Variants in RGS6 observed in about 807,000 individuals in gnomAD.
RGS6 encodes regulator of G protein signaling 6.
Under a neutral mutation model 78.5 loss-of-function variants are expected in RGS6, and 30 were observed. The observed-to-expected ratio is 0.38, with a 90% CI of 0.29 to 0.52. The LOEUF is 0.52. RGS6 is among the 20% of genes least tolerant of loss of function. The pLI is 0.85. For missense variants in RGS6, 495 were observed against 609.7 expected, an observed-to-expected ratio of 0.81 and a Z score of 1.98; for synonymous variants, 206 against 206.0, an observed-to-expected ratio of 1.00 and a Z score of 0.00.
chr14:72,605,811 T>C, the RGS6 span, among the ~76,000 whole-genome samples: 1 of 152,224 alleles, frequency 6.6e-6, no homozygotes, highest in Admixed American at 6.5e-5. Context: ...CAGAGGGTCA[T>C]GGGACCGAGG....
At chr14:72,005,797 G>C (rs2084436749) in intron 2 of RGS6, among the ~76,000 whole-genome samples, 1 of 151,640 alleles carries the variant, frequency 6.6e-6, no homozygotes, top group Non-Finnish European at 1.5e-5. Context: ...ATTTTTGTAT[G>C]CTTTACCTAA....
chr14:72,062,526 G>A (rs1038911217), intron 2 of RGS6, among the ~76,000 whole-genome samples: 2 of 152,244 alleles, frequency 1.3e-5, no homozygotes, highest in African/African-American at 4.8e-5. Flanking sequence ...GATGGAGTTT[G>A]GACACAGTTG....
At chr14:72,555,721 C>CTGTT (rs1555472811) in intron 17 of RGS6, among the ~76,000 whole-genome samples, 2 of 152,256 alleles carry the variant, frequency 1.3e-5, no homozygotes, top group African/African-American at 4.8e-5. Context: ...CCGTTTGAGT[C>CTGTT]TGTTTCCTTG....
At chr14:72,226,992 G>C (rs116669432) in intron 2 of RGS6, among the ~76,000 whole-genome samples, 2,826 of 152,174 alleles carry the variant, frequency 0.019, 41 homozygotes, top group African/African-American at 0.037. Flanking sequence ...CATGCATGCT[G>C]TTGAGGACAC....
At chr14:72,232,572 C>T (rs1252723540) in intron 2 of RGS6, among the ~76,000 whole-genome samples, 1 of 152,158 alleles carries the variant, frequency 6.6e-6, no homozygotes, top group Non-Finnish European at 1.5e-5. Flanking sequence ...CCTTATGTCA[C>T]CTGGCATGGG....
At chr14:72,522,274 T>C (rs1370273334) in intron 15 of RGS6, among the ~76,000 whole-genome samples, 1 of 152,204 alleles carries the variant, frequency 6.6e-6, no homozygotes, top group Non-Finnish European at 1.5e-5. Context: ...AATCCCGTCA[T>C]AAGGGCCTCT....
At chr14:72,450,411 A>G (rs1047928267) in intron 3 of RGS6, among the ~76,000 whole-genome samples, 1 of 152,206 alleles carries the variant, frequency 6.6e-6, no homozygotes, top group Non-Finnish European at 1.5e-5. Flanking sequence ...ACTGCATATC[A>G]TAAATATATC....
intron 2 of RGS6, among the ~76,000 whole-genome samples, chr14:72,099,167 TTTG>T (rs1379319801): frequency 3.3e-5 from 5 of 152,098 alleles, no homozygotes; most frequent in Non-Finnish European, 7.4e-5. Flanking sequence ...CAGCAGTTTT[TTTG>T]TTGTTTTTTG....
intron 1 of RGS6, among the ~76,000 whole-genome samples, chr14:71,953,608 C>T (rs2092535749): frequency 6.6e-6 from 1 of 151,982 alleles, no homozygotes. Flanking sequence ...GTTAAATTGT[C>T]AAGGGCTGTT....
Position 72,448,296 on chromosome 14 carries a change from C to G in RGS6, c.185-6232C>G, listed in dbSNP as rs1243645612. Among the ~76,000 whole-genome samples the G allele has an allele frequency of 2.0e-5, 3 of 152,326 alleles. No homozygotes were observed. In the East Asian group the frequency reaches 5.8e-4, roughly 29 times the overall value. On this transcript the variant is annotated intron_variant, in intron 3 of 17. Transcript: ENST00000553525. ...GCAAGTGAGTGTGAAATTTGCCACG[C>G]TTTTCCTTGGAAAAACTCAAGCCCA...
the RGS6 span, among the ~76,000 whole-genome samples, chr14:72,599,408 T>G: frequency 4.2e-4 from 49 of 115,700 alleles, 1 homozygote; most frequent in East Asian, 4.9e-3. Flanking sequence ...TTTTTTTTTT[T>G]TTTTTTTTTT....
chr14:72,294,563 G>A (rs2064307151), intron 2 of RGS6, among the ~76,000 whole-genome samples: 2 of 152,300 alleles, frequency 1.3e-5, no homozygotes, highest in East Asian at 1.9e-4. Flanking sequence ...ATAAAGAAAC[G>A]AGGTTTAATT....
chr14:72,228,718 T>C (rs931347283), intron 2 of RGS6, among the ~76,000 whole-genome samples: 1 of 151,978 alleles, frequency 6.6e-6, no homozygotes, highest in Non-Finnish European at 1.5e-5. Flanking sequence ...AGAGGTAGCG[T>C]GGGGAGACTA....
At chr14:72,076,628 A>G (rs929429464) in intron 2 of RGS6, among the ~76,000 whole-genome samples, 2 of 152,108 alleles carry the variant, frequency 1.3e-5, no homozygotes, top group African/African-American at 4.8e-5. Flanking sequence ...TCCTGGGCTC[A>G]AGCAATCCTC....
intron 2 of RGS6, among the ~76,000 whole-genome samples, chr14:72,074,264 A>C (rs1229329972): frequency 1.3e-5 from 2 of 152,204 alleles, no homozygotes; most frequent in Admixed American, 1.3e-4. Flanking sequence ...TGGTGTGATC[A>C]TAGCGCACTG....
At chr14:72,304,776 A>G (rs573711760) in intron 2 of RGS6, among the ~76,000 whole-genome samples, 1 of 152,242 alleles carries the variant, frequency 6.6e-6, no homozygotes, top group East Asian at 1.9e-4. Flanking sequence ...GCTACTCGGG[A>G]GGTTGAGACA....
chr14:71,873,538 A>G, the RGS6 span, among the ~76,000 whole-genome samples: 1 of 152,164 alleles, frequency 6.6e-6, no homozygotes, highest in Non-Finnish European at 1.5e-5. Flanking sequence ...GATTCTGGAT[A>G]TTAGCCCTTT....
At chr14:71,956,939 G>C (rs1161440715) in intron 1 of RGS6, among the ~76,000 whole-genome samples, 1 of 152,210 alleles carries the variant, frequency 6.6e-6, no homozygotes, top group African/African-American at 2.4e-5. Context: ...TGGATTAAAT[G>C]TCTAAATAAG....
intron 3 of RGS6, among the ~76,000 whole-genome samples, chr14:72,408,153 G>A (rs550984542): frequency 2.6e-5 from 4 of 152,248 alleles, no homozygotes; most frequent in Admixed American, 6.5e-5. Flanking sequence ...GTCCTTTTCT[G>A]TTGTTACAGC....
Sources: gnomAD v4.1 joint callset for allele counts (sites outside exome capture counted in the v4.1 genomes callset) on GRCh38, gnomAD v4.1.1 for gene constraint, MANE v1.5 for transcripts, NCBI Gene and HGNC (gene_info 2026-07-23, HGNC 2026-07-21) for gene names.